Variants in PEX5L observed in about 807,000 individuals in gnomAD.
The protein encoded by PEX5L is PEX5-related protein.
In PEX5L, 30 loss-of-function variants were observed where a neutral mutation model predicts 84.0. The ratio of observed to expected loss-of-function variants is 0.36; its 90% CI spans 0.27 to 0.48. PEX5L has a LOEUF of 0.48. Ranked by LOEUF, PEX5L falls within the 20% of genes least tolerant of loss-of-function variation. PEX5L has a pLI of 0.99. For missense variants in PEX5L, 533 were observed against 754.6 expected (o/e 0.71, Z 3.44); for synonymous variants, 270 against 283.1 (o/e 0.95, Z 0.46).
At chr3:179,896,071 C>T (rs1578154270) in intron 3 of PEX5L, 1 of 152,228 alleles carries the variant, frequency 6.6e-6, no homozygotes, top group South Asian at 2.1e-4. Flanking sequence ...GGACTAGATG[C>T]TATGGTTGTC....
intron 8 of PEX5L, among the ~76,000 whole-genome samples, chr3:179,833,654 A>C (rs1324016999): frequency 6.6e-6 from 1 of 152,172 alleles, no homozygotes; most frequent in East Asian, 1.9e-4. Context: ...TCAGGAATGA[A>C]AGAAACTAAG....
intron 6 of PEX5L, 100 bp from the exon 7 acceptor site, chr3:179,874,523 A>T: frequency 1.6e-6 from 1 of 635,754 alleles, no homozygotes; most frequent in South Asian, 1.8e-5. Flanking sequence ...GAAAGCCATG[A>T]TGTCAAAGCT....
chr3:179,898,499 T>C (rs1213338381), intron 2 of PEX5L: 3 of 333,128 alleles, frequency 9.0e-6, no homozygotes, highest in South Asian at 1.2e-4. Context: ...GTATTTTATA[T>C]GTATAATATG....
chr3:179,864,742 G>T (rs1159216442), intron 7 of PEX5L, among the ~76,000 whole-genome samples: 1 of 152,028 alleles, frequency 6.6e-6, no homozygotes, highest in Non-Finnish European at 1.5e-5. Flanking sequence ...GCTCAACTGA[G>T]CCATTTTACA....
At chr3:179,916,538 T>C (rs1389582684) in intron 2 of PEX5L, among the ~76,000 whole-genome samples, 4 of 152,202 alleles carry the variant, frequency 2.6e-5, no homozygotes, top group African/African-American at 9.7e-5. Context: ...CATTACTGTA[T>C]ACTACTGTAG....
At chr3:179,934,505 G>A (rs568594945) in intron 2 of PEX5L, among the ~76,000 whole-genome samples, 15 of 152,288 alleles carry the variant, frequency 9.8e-5, no homozygotes, top group Admixed American at 3.3e-4. Flanking sequence ...TATTTTGTGG[G>A]TGAGGTCTCT....
intron 2 of PEX5L, among the ~76,000 whole-genome samples, chr3:179,926,041 CA>C (rs1309464580): frequency 5.9e-5 from 9 of 152,170 alleles, no homozygotes; most frequent in African/African-American, 2.2e-4. Flanking sequence ...CTGTTTTTGG[CA>C]CTAATATTCA....
intron 7 of PEX5L, among the ~76,000 whole-genome samples, chr3:179,866,652 G>C (rs1748285605): frequency 6.6e-6 from 1 of 152,084 alleles, no homozygotes; most frequent in African/African-American, 2.4e-5. Context: ...TCTTATACTA[G>C]AATAGATCAT....
chr3:179,847,954 T>A (rs1156407950), intron 8 of PEX5L, among the ~76,000 whole-genome samples: 4 of 150,592 alleles, frequency 2.7e-5, no homozygotes, highest in African/African-American at 9.7e-5. Flanking sequence ...TGCCTTGGTG[T>A]TCCAACGTTT....
At chr3:179,846,390 G>A (rs1739355049) in intron 8 of PEX5L, among the ~76,000 whole-genome samples, 1 of 152,072 alleles carries the variant, frequency 6.6e-6, no homozygotes, top group Admixed American at 6.6e-5. Context: ...ATAAATTATT[G>A]TTAACTATAG....
At chr3:179,834,013 AT>A (rs1475838042) in intron 8 of PEX5L, among the ~76,000 whole-genome samples, 1 of 151,758 alleles carries the variant, frequency 6.6e-6, no homozygotes, top group Admixed American at 6.6e-5. Flanking sequence ...TTTTATTTTT[AT>A]TTTTTTGTGG....
intron 8 of PEX5L, among the ~76,000 whole-genome samples, chr3:179,827,320 G>A (rs1204582524): frequency 6.6e-6 from 1 of 152,174 alleles, no homozygotes; most frequent in Non-Finnish European, 1.5e-5. Flanking sequence ...CTACCACCTT[G>A]CAAAGAAGCC....
intron 2 of PEX5L, among the ~76,000 whole-genome samples, chr3:179,956,511 T>G (rs1370813857): frequency 6.6e-6 from 1 of 152,134 alleles, no homozygotes; most frequent in African/African-American, 2.4e-5. Context: ...TTTTTGGGCA[T>G]AAGAATACCC....
chr3:179,961,129 T>C (rs1426552820), intron 2 of PEX5L, among the ~76,000 whole-genome samples: 1 of 151,938 alleles, frequency 6.6e-6, no homozygotes, highest in Non-Finnish European at 1.5e-5. Flanking sequence ...ATTTCAAGAA[T>C]GAGATCATTT....
intron 7 of PEX5L, among the ~76,000 whole-genome samples, chr3:179,872,802 T>C (rs1262091380): frequency 6.6e-6 from 1 of 152,232 alleles, no homozygotes; most frequent in Admixed American, 6.5e-5. Context: ...ACAGTACCAA[T>C]CACTTTAGCT....
At position 179,795,286 on chromosome 3, in the gene PEX5L, A is replaced by G. The variant is rs1716487931; in HGVS notation, c.*6542T>C. ...GAAAACATAGTTTAAAATTGCACAA[A>G]TATAAATACAATTTAATAATGTGAA... On this transcript the variant is annotated 3_prime_UTR_variant, in exon 15 of 15. Coordinates refer to ENST00000467460, the MANE Select transcript of PEX5L (RefSeq NM_016559.3). 1 of 152,234 alleles carries G rather than the reference A, an allele frequency of 6.6e-6. No homozygotes were observed. Among genetic ancestry groups the G allele is most frequent in the Admixed American group, 6.5e-5 (1 of 15,284 alleles). The allele number at this position is 152,234 out of a possible 1,614,324, so 9.4% of individuals were successfully genotyped here. A position where few individuals can be genotyped will look rare whatever the true frequency, so the allele number is the denominator to read the frequency against.
chr3:180,014,808 C>T (rs919959926), intron 1 of PEX5L, among the ~76,000 whole-genome samples: 1 of 146,344 alleles, frequency 6.8e-6, no homozygotes, highest in Non-Finnish European at 1.5e-5. Flanking sequence ...AAACCACAAA[C>T]GAACCCCGAA....
chr3:179,809,533 A>G lies in PEX5L; in HGVS notation c.1290T>C (p.Leu430=). The G allele has an allele frequency of 6.2e-7, 1 of 1,614,078 alleles. No homozygotes were observed. The highest frequency in any genetic ancestry group is 1.1e-5 in the South Asian group (1 of 91,076). Residue 430 remains leucine (L), a synonymous_variant, in exon 12 of 15, where the codon CTT becomes CTC. Coordinates refer to ENST00000467460, the MANE Select transcript of PEX5L (RefSeq NM_016559.3). The part of the protein sequence containing the change: ...WIKQNPKYKY[L]VKSKKGSPGL... ...CTGGAGATCCCTTCTTGCTTTTCAC[A>G]AGGTATTTGTACTTTGGATTTTGCT...
At chr3:179,937,172 T>C (rs983080396) in intron 2 of PEX5L, among the ~76,000 whole-genome samples, 2 of 151,982 alleles carry the variant, frequency 1.3e-5, no homozygotes, top group Non-Finnish European at 2.9e-5. Flanking sequence ...TGTGATGGAG[T>C]TTACCATGTT....
Sources: gnomAD v4.1 joint callset for allele counts (sites outside exome capture counted in the v4.1 genomes callset) on GRCh38, gnomAD v4.1.1 for gene constraint, MANE v1.5 for transcripts, NCBI Gene and HGNC (gene_info 2026-07-23, HGNC 2026-07-21) for gene names.